Variants in FBXO47 observed in about 807,000 individuals in gnomAD.
FBXO47 encodes F-box only protein 47.
FBXO47 carries 34 observed loss-of-function variants against 53.9 expected under a neutral mutation model. The ratio of observed to expected loss-of-function variants is 0.63; its 90% confidence interval spans 0.48 to 0.84. FBXO47 has a LOEUF of 0.84. FBXO47 is among the 40% of genes least tolerant of loss of function. The pLI is 0.00. For synonymous variants in FBXO47, 165 were observed against 181.6 expected, an observed-to-expected ratio of 0.91 and a Z score of 0.73; for missense variants, 485 against 541.3, an observed-to-expected ratio of 0.90 and a Z score of 1.03.
At position 38,962,066 on chromosome 17, in the gene FBXO47, A is replaced by ATG. The variant is rs747603172; in HGVS notation, c.182-21_182-20dup. 1 of 1,597,060 alleles carries ATG rather than the reference A, an allele frequency of 6.3e-7. No individual in the cohort carries two copies. The highest frequency in any genetic ancestry group is 2.2e-5 in the East Asian group (1 of 44,730). On this transcript the variant is annotated intron_variant, in intron 2 of 10. Coordinates refer to ENST00000378079, the MANE Select transcript of FBXO47 (RefSeq NM_001008777.3). ...TCCTTCACTACCAAAAGAAATATAT[A>ATG]TGTGTATGTATCAATGGCTTAAATG...
intron 3 of FBXO47, 144 bp from the exon 4 acceptor site, chr17:38,957,397 G>C: frequency 1.7e-6 from 1 of 587,764 alleles, no homozygotes; most frequent in Non-Finnish European, 3.0e-6. Context: ...GAAAGTTTGG[G>C]AGGAAGGGTG....
intron 3 of FBXO47, among the ~76,000 whole-genome samples, chr17:38,959,495 G>A (rs1331237613): frequency 2.7e-5 from 4 of 147,090 alleles, no homozygotes; most frequent in East Asian, 2.0e-4. Flanking sequence ...CATGAGAATC[G>A]CTTGAACCCA....
chr17:38,952,815 C>CTTTTTTTTTTTTTTTT (rs139105548), intron 5 of FBXO47, among the ~76,000 whole-genome samples: 1 of 115,354 alleles, frequency 8.7e-6, no homozygotes, highest in South Asian at 3.1e-4. Flanking sequence ...TTATTTATGA[C>CTTTTTTTTTTTTTTTT]TTTTTTTTTT....
At chr17:38,938,918 A>G (rs1904370377) in intron 9 of FBXO47, among the ~76,000 whole-genome samples, 186 bp from the exon 10 acceptor site, 1 of 152,174 alleles carries the variant, frequency 6.6e-6, no homozygotes, top group Non-Finnish European at 1.5e-5. Flanking sequence ...AAATGGTACA[A>G]TTTTAATGGG....
At chr17:38,944,233 G>GTA (rs1904641843) in intron 7 of FBXO47, among the ~76,000 whole-genome samples, 1 of 143,358 alleles carries the variant, frequency 7.0e-6, no homozygotes, top group Non-Finnish European at 1.6e-5. Context: ...GTGTGTGTGT[G>GTA]TATGCTTCTT....
chr17:38,955,912 C>T (rs1241192679), intron 4 of FBXO47, among the ~76,000 whole-genome samples: 1 of 136,970 alleles, frequency 7.3e-6, no homozygotes, highest in Non-Finnish European at 1.5e-5. Flanking sequence ...GAGCTGAGAT[C>T]GTGCCACTGC....
Position 38,938,686 on chromosome 17 carries a change from A to G in FBXO47, c.1130T>C (p.Met377Thr), listed in dbSNP as rs1189809279. 1 of 1,613,418 alleles carries G rather than the reference A, an allele frequency of 6.2e-7. No homozygotes were observed. Among genetic ancestry groups the G allele is most frequent in the Non-Finnish European group, 8.5e-7 (1 of 1,179,488 alleles). Residue 377 changes from methionine to threonine, a missense_variant, in exon 10 of 11, where the codon ATG (methionine) becomes ACG (threonine). By Grantham distance (81) the Met-to-Thr change is moderately conservative (BLOSUM62 -1). Coordinates refer to ENST00000378079, the MANE Select transcript of FBXO47 (RefSeq NM_001008777.3). The stretch of plus-strand genomic sequence containing the variant: ...GCTAAAGACTTTGCAGACTTTTTGC[A>G]TCATTTTAACTGTCCAATCCATGCA... ...LYCMDWTVKM[M>T]QKVCKVFSTP...
At chr17:38,956,978 T>A (rs867499629) in intron 4 of FBXO47, among the ~76,000 whole-genome samples, 199 bp downstream of exon 4, 1 of 152,192 alleles carries the variant, frequency 6.6e-6, no homozygotes, top group South Asian at 2.1e-4. Context: ...AAAATTGTTT[T>A]ATAAACAAGT....
At chr17:38,957,377 A>T in intron 3 of FBXO47, 124 bp from the exon 4 acceptor site, 1 of 624,270 alleles carries the variant, frequency 1.6e-6, no homozygotes, top group Middle Eastern at 4.4e-4. Context: ...AGTTGATATG[A>T]TTTCTAAGAG....
chr17:38,960,058 C>T (rs1905748773), intron 3 of FBXO47, among the ~76,000 whole-genome samples: 1 of 152,034 alleles, frequency 6.6e-6, no homozygotes, highest in Non-Finnish European at 1.5e-5. Flanking sequence ...CCTCCCACCT[C>T]AGCTTTCCAA....
At chr17:38,951,286 C>T (rs1417056604) in intron 6 of FBXO47, among the ~76,000 whole-genome samples, 1 of 151,778 alleles carries the variant, frequency 6.6e-6, no homozygotes, top group Non-Finnish European at 1.5e-5. Flanking sequence ...CCTCTACCTC[C>T]CAGGGTCAAG....
intron 5 of FBXO47, among the ~76,000 whole-genome samples, chr17:38,952,641 G>A (rs1454272822): frequency 1.3e-5 from 2 of 151,824 alleles, no homozygotes; most frequent in East Asian, 1.9e-4. Context: ...CTTCGACAAT[G>A]TGAGGCAAGT....
chr17:38,962,281 CA>C (rs1905851107), intron 2 of FBXO47, among the ~76,000 whole-genome samples: 1 of 152,096 alleles, frequency 6.6e-6, no homozygotes, highest in Non-Finnish European at 1.5e-5. Context: ...GGCATGTTTT[CA>C]AGAGTTTAAG....
At chr17:38,956,900 G>T (rs1023826160) in intron 4 of FBXO47, among the ~76,000 whole-genome samples, 1 of 152,144 alleles carries the variant, frequency 6.6e-6, no homozygotes, top group African/African-American at 2.4e-5. Flanking sequence ...GGATTTGTAT[G>T]TGGTGTAAAA....
chr17:38,946,509 T>C (rs1268033274), intron 6 of FBXO47, among the ~76,000 whole-genome samples: 7 of 85,186 alleles, frequency 8.2e-5, no homozygotes, highest in Non-Finnish European at 1.1e-4. Context: ...TATATAACTA[T>C]ATAAATATAT....
At chr17:38,963,531 C>G (rs1020579654) in intron 1 of FBXO47, among the ~76,000 whole-genome samples, 1 of 151,442 alleles carries the variant, frequency 6.6e-6, no homozygotes, top group Non-Finnish European at 1.5e-5. Context: ...CTATTTTCAT[C>G]TCTTTTTTTA....
intron 3 of FBXO47, among the ~76,000 whole-genome samples, chr17:38,957,587 T>C (rs1276112673): frequency 1.3e-5 from 2 of 152,212 alleles, no homozygotes; most frequent in Non-Finnish European, 2.9e-5. Flanking sequence ...TTGTCTTTAT[T>C]CCACAGAAAA....
chr17:38,943,361 AAAT>A (rs923024051), intron 8 of FBXO47, among the ~76,000 whole-genome samples: 1 of 152,082 alleles, frequency 6.6e-6, no homozygotes, highest in Non-Finnish European at 1.5e-5. Flanking sequence ...AGAAGCTTTC[AAAT>A]AATAATAATA....
chr17:38,943,762 T>C (rs1904614969), intron 7 of FBXO47, 26 bp from the exon 8 acceptor site: 1 of 1,584,850 alleles, frequency 6.3e-7, no homozygotes, highest in African/African-American at 1.4e-5. Flanking sequence ...AACGAGGCTA[T>C]GACAGAATAG....
Sources: allele counts gnomAD v4.1 joint callset (sites outside exome capture counted in the v4.1 genomes callset), GRCh38; gene constraint gnomAD v4.1.1; transcripts MANE v1.5; gene names NCBI Gene and HGNC (gene_info 2026-07-23, HGNC 2026-07-21).